TENM4: variants seen among roughly 807,000 people sequenced by gnomAD.
The protein encoded by TENM4 is teneurin-4.
In TENM4, 82 loss-of-function variants were observed where a neutral mutation model predicts 243.3. The observed-to-expected ratio is 0.34, with a 90% CI of 0.28 to 0.40. The LOEUF is 0.40. Ranked by LOEUF, TENM4 falls within the 10% of genes least tolerant of loss-of-function variation. The pLI is 1.00. For synonymous variants in TENM4, 1,412 were observed against 1,456.3 expected, an observed-to-expected ratio of 0.97 and a Z score of 0.69; for missense variants, 3,138 against 3,673.3, an observed-to-expected ratio of 0.85 and a Z score of 3.77.
intron 2 of TENM4, among the ~76,000 whole-genome samples, chr11:79,253,763 T>A (rs1361821165): frequency 6.6e-6 from 1 of 152,172 alleles, no homozygotes; most frequent in Non-Finnish European, 1.5e-5. Flanking sequence ...CCCTCCCCAT[T>A]TGATTCAGAA....
intron 25 of TENM4, 74 bp from the exon 26 acceptor site, chr11:78,712,788 C>T (rs574681562): frequency 2.7e-5 from 37 of 1,377,080 alleles, no homozygotes; most frequent in Middle Eastern, 4.1e-4. Context: ...TACAGATGAA[C>T]CCCTGGCCCT....
intron 6 of TENM4, among the ~76,000 whole-genome samples, chr11:78,927,067 T>G (rs1856569155): frequency 6.6e-6 from 1 of 152,262 alleles, no homozygotes; most frequent in South Asian, 2.1e-4. Flanking sequence ...GTGAACTATT[T>G]GCTTGTAGTC....
intron 6 of TENM4, among the ~76,000 whole-genome samples, chr11:78,916,240 A>T (rs1425569436): frequency 1.3e-5 from 2 of 152,226 alleles, no homozygotes; most frequent in Admixed American, 1.3e-4. Context: ...GGATAATAGC[A>T]TAATCTACTT....
At chr11:79,319,897 A>T (rs1565297739) in intron 1 of TENM4, among the ~76,000 whole-genome samples, 1 of 152,076 alleles carries the variant, frequency 6.6e-6, no homozygotes, top group Non-Finnish European at 1.5e-5. Context: ...ACACTAGGTG[A>T]CCACCACAAC....
chr11:78,812,295 C>G lies in TENM4; in HGVS notation c.1805G>C (p.Ser602Thr). Residue 602 changes from serine to threonine, a missense_variant, in exon 14 of 34, where the codon AGC becomes ACC. By Grantham distance (58) the Ser-to-Thr change is moderately conservative (BLOSUM62 1). Around this residue, in one of 2 missense-constraint regions of TENM4, gnomAD observed 2,467 missense variants for 3,059.1 expected, o/e 0.81. Transcript: ENST00000278550. The part of the protein sequence containing the change: ...CGRASCPVLC[S>T]GNGQYMKGRC... The stretch of plus-strand genomic sequence containing the variant: ...GCCTTTCATGTATTGGCCATTTCCG[C>G]TACAGAGCACGGGGCAGGAGGCTGG... The G allele has an allele frequency of 6.4e-7, 1 of 1,551,828 alleles. No individual in the cohort carries two copies. The highest frequency in any genetic ancestry group is 1.2e-5 in the South Asian group (1 of 84,068).
At chr11:78,838,514 T>C (rs1177207637) in intron 12 of TENM4, among the ~76,000 whole-genome samples, 1 of 152,250 alleles carries the variant, frequency 6.6e-6, no homozygotes, top group Non-Finnish European at 1.5e-5. Flanking sequence ...TTTTACCCTC[T>C]TCTAGCTTGA....
At chr11:78,696,451 G>T (rs1425439856) in intron 28 of TENM4, among the ~76,000 whole-genome samples, 1 of 151,042 alleles carries the variant, frequency 6.6e-6, no homozygotes, top group Non-Finnish European at 1.5e-5. Context: ...TCAGTTGAAA[G>T]CGTGACATCT....
intron 15 of TENM4, among the ~76,000 whole-genome samples, chr11:78,803,287 C>T (rs1001182466): frequency 6.6e-6 from 1 of 152,130 alleles, no homozygotes; most frequent in Admixed American, 6.5e-5. Context: ...CCTCGGCCTC[C>T]CAAAGTGCTG....
intron 4 of TENM4, among the ~76,000 whole-genome samples, chr11:79,070,943 A>G (rs1441168505): frequency 2.6e-5 from 4 of 152,108 alleles, no homozygotes; most frequent in African/African-American, 7.2e-5. Flanking sequence ...AGACTTGCCC[A>G]TCTCCTCAGT....
intron 2 of TENM4, among the ~76,000 whole-genome samples, chr11:79,286,191 C>T (rs1406080325): frequency 6.6e-6 from 1 of 151,686 alleles, no homozygotes; most frequent in Non-Finnish European, 1.5e-5. Flanking sequence ...ATGTTGTTTG[C>T]ACAATAATAA....
At position 78,995,620 on chromosome 11, in the gene TENM4, G is replaced by T. The variant is rs143003834; in HGVS notation, c.493+69118C>A. ...TAGCAAATGCAGCAGGAGGAGATGT[G>T]CTTCTTCAGGTAAGTGGTGGGTGGA... On this transcript the variant is annotated intron_variant, in intron 6 of 33. Transcript: ENST00000278550. 9.7e-4 allele frequency among the ~76,000 whole-genome samples: 148 copies of T among 152,072 alleles called. 1 individual carries two copies. Among genetic ancestry groups the T allele is most frequent in the Non-Finnish European group, 1.7e-3 (115 of 68,010 alleles).
At chr11:78,964,228 A>T (rs758052360) in intron 6 of TENM4, among the ~76,000 whole-genome samples, 4 of 151,412 alleles carry the variant, frequency 2.6e-5, no homozygotes, top group Non-Finnish European at 4.4e-5. Context: ...TTTTTAGTAG[A>T]GACAGGGTTT....
intron 9 of TENM4, among the ~76,000 whole-genome samples, chr11:78,885,348 T>C (rs951264771): frequency 2.6e-5 from 4 of 152,206 alleles, no homozygotes; most frequent in Admixed American, 1.3e-4. Context: ...TCCTTCTGAA[T>C]TGGTGCCTTT....
intron 6 of TENM4, among the ~76,000 whole-genome samples, chr11:78,939,650 A>G (rs138983217): frequency 7.3e-4 from 111 of 152,318 alleles, no homozygotes; most frequent in African/African-American, 2.4e-3. Flanking sequence ...TGTACAAACT[A>G]TTAGTAAAAT....
At position 78,701,786 on chromosome 11, in the gene TENM4, G is replaced by A. The variant is rs762620826; in HGVS notation, c.4827C>T (p.Asn1609=). 2.5e-6 allele frequency: 4 copies of A among 1,614,022 alleles called. No individual in the cohort carries two copies. Among genetic ancestry groups the A allele is most frequent in the South Asian group, 1.1e-5 (1 of 91,080 alleles). ...QSLPTGDYLY[N]FTYTGDGDIT... ...TGTCGCCGTCCCCAGTGTAGGTGAA[G>A]TTGTACAGGTAGTCTCCTGTGGGCA... Residue 1609 remains asparagine (N), a synonymous_variant, in exon 28 of 34, where the codon AAC becomes AAT. Transcript: ENST00000278550.
At chr11:79,102,977 C>T (rs139064818) in intron 4 of TENM4, among the ~76,000 whole-genome samples, 324 of 152,180 alleles carry the variant, frequency 2.1e-3, no homozygotes, top group Non-Finnish European at 2.9e-3. Flanking sequence ...TTCTTGGTGT[C>T]GAGTCTTTCC....
At chr11:79,194,046 G>A (rs147774309) in intron 3 of TENM4, among the ~76,000 whole-genome samples, 11,142 of 151,844 alleles carry the variant, frequency 0.073, 909 homozygotes, top group East Asian at 0.4. Flanking sequence ...CATGGGGGCC[G>A]GTCTTTCCTG....
intron 22 of TENM4, among the ~76,000 whole-genome samples, chr11:78,729,015 T>C (rs1378449665): frequency 6.6e-6 from 1 of 151,966 alleles, no homozygotes; most frequent in East Asian, 1.9e-4. Context: ...AAAGAAACCA[T>C]TTTTTAGCTC....
At chr11:78,799,584 C>T (rs1351584789) in intron 15 of TENM4, among the ~76,000 whole-genome samples, 3 of 152,230 alleles carry the variant, frequency 2.0e-5, no homozygotes, top group Non-Finnish European at 1.5e-5. Flanking sequence ...AACAACCCTG[C>T]AAGGCAGGTG....
Sources: allele counts gnomAD v4.1 joint callset (sites outside exome capture counted in the v4.1 genomes callset), GRCh38; gene constraint gnomAD v4.1.1; regional missense constraint gnomAD v4.1.1; transcripts MANE v1.5; gene names NCBI Gene and HGNC (gene_info 2026-07-23, HGNC 2026-07-21).